Variants in ZNF611 observed in about 807,000 individuals in gnomAD.
The protein encoded by ZNF611 is zinc finger protein 611.
Under a neutral mutation model 8.9 loss-of-function variants are expected in ZNF611, and 6 were observed. That is an observed-to-expected ratio of 0.68 (90% CI 0.37 to 1.34). ZNF611 has a LOEUF of 1.34. Ranked by LOEUF, ZNF611 falls within the 40% of genes most tolerant of loss-of-function variation. The probability of loss-of-function intolerance (pLI) is 0.02; values close to 1 mark genes in which losing one functional copy is unlikely to be tolerated. For synonymous variants in ZNF611, 262 were observed against 279.7 expected (o/e 0.94, Z 0.63); for missense variants, 874 against 841.3 (o/e 1.04, Z -0.48).
chr19:52,708,094 C>T (rs777594546), intron 5 of ZNF611: 2 of 152,152 alleles, frequency 1.3e-5, no homozygotes, highest in Non-Finnish European at 2.9e-5. Flanking sequence ...TTCTAAACAA[C>T]TCCCTCTTAA....
chr19:52,705,463 C>T lies in ZNF611; in HGVS notation c.1592G>A (p.Gly531Asp), dbSNP rs2062234529. ...TTTGTATGGTTTCTCTCCAGTATGACCTATCTTATGTGTCTCAAGGCTTGA... is the reference window on the plus strand; with the variant it reads ...TTTGTATGGTTTCTCTCCAGTATGATCTATCTTATGTGTCTCAAGGCTTGA... ...RKSSLETHKIGHTGEKPYKCK... is the reference protein window; with the variant it reads ...RKSSLETHKIDHTGEKPYKCK... Residue 531 changes from glycine to aspartate, a missense_variant, in exon 6 of 6, where the codon GGT becomes GAT. Physicochemically the swap from Gly to Asp is moderately conservative, Grantham distance 94. Transcript: ENST00000652185. The T allele has an allele frequency of 6.2e-7, 1 of 1,611,420 alleles. No individual in the cohort carries two copies. Among genetic ancestry groups the T allele is most frequent in the South Asian group, 1.1e-5 (1 of 90,868 alleles).
In ZNF611 at chr19:52,704,223, C is replaced by A. The variant is rs1284718661; in HGVS notation, c.*714G>T. 2 of 421,902 alleles carry A rather than the reference C, an allele frequency of 4.7e-6. No homozygotes were observed. 26.1% of individuals were successfully genotyped at this position (421,902 alleles called of 1,614,324 possible). A position where few individuals can be genotyped will look rare whatever the true frequency, so the allele number is the denominator to read the frequency against. ...AACTCAAGTCAATGCTGAATTGACTCCAATGTCAATTAATGCTTGATGGTT... is the reference window on the plus strand; with the variant it reads ...AACTCAAGTCAATGCTGAATTGACTACAATGTCAATTAATGCTTGATGGTT... On this transcript the variant is annotated 3_prime_UTR_variant, in exon 6 of 6. Coordinates refer to ENST00000652185, the MANE Select transcript of ZNF611 (RefSeq NM_001161499.2).
rs4085566 is a variant in ZNF611, at chr19:52,706,300, G to A, written c.755C>T (p.Pro252Leu). ...TTTATATTGTTTGTCTCCTAAATGG[G>A]GTATCTGGTGTTTCCTTAAGAGTGA... ...CSSLLRKHQI[P>L]HLGDKQYKCD... Residue 252 changes from proline (P) to leucine (L), a missense_variant, in exon 6 of 6, where the codon CCC becomes CTC. Transcript: ENST00000652185. The A allele has an allele frequency of 0.41, 656,627 of 1,613,290 alleles. 137,708 individuals are homozygous for A. Among genetic ancestry groups the A allele is most frequent in the African/African-American group, 0.69 (51,386 of 74,764 alleles).
In ZNF611 at chr19:52,704,097, G is replaced by A. The variant is rs544213495; in HGVS notation, c.*840C>T. 6.9e-5 allele frequency: 19 copies of A among 276,822 alleles called. No homozygotes were observed. Among genetic ancestry groups the A allele is most frequent in the South Asian group, 1.8e-4 (5 of 28,206 alleles). 17.1% of individuals were successfully genotyped at this position (276,822 alleles called of 1,614,324 possible). ...GACCTATGTGCCTTGGCCTCCCGAC[G>A]TGCTGGGATTACAGGTCGGAGCCAC... On this transcript the variant is annotated 3_prime_UTR_variant, in exon 6 of 6. Coordinates refer to ENST00000652185, the MANE Select transcript of ZNF611 (RefSeq NM_001161499.2).
chr19:52,732,052 C>T (rs972872086), intron 1 of ZNF611, among the ~76,000 whole-genome samples: 5 of 151,702 alleles, frequency 3.3e-5, no homozygotes, highest in African/African-American at 1.2e-4. Context: ...GGGCGGATCA[C>T]GAGGTCAGGA....
At chr19:52,734,187 G>GTTT (rs532673029) in intron 1 of ZNF611, among the ~76,000 whole-genome samples, 1 of 84,666 alleles carries the variant, frequency 1.2e-5, no homozygotes, top group Non-Finnish European at 2.4e-5. Context: ...GCTTTCTTAG[G>GTTT]TTTTTTTTTT....
chr19:52,721,142 T>G (rs1410524831), intron 3 of ZNF611: 2 of 155,460 alleles, frequency 1.3e-5, no homozygotes, highest in East Asian at 3.8e-4. Flanking sequence ...GCAGAGGCGC[T>G]CCTCACTTCC....
At position 52,704,801 on chromosome 19, in the gene ZNF611, T is replaced by C. The variant is rs922087885; in HGVS notation, c.*136A>G. 7.2e-5 allele frequency: 115 copies of C among 1,593,816 alleles called. No homozygotes were observed. In the African/African-American group the frequency reaches 1.5e-3, roughly 20 times the overall value. ...GGTTTCTCTCCAGTGTGAAGTCCAG[T>C]ATGTTGTTCCAGGTGTGAATCACTC... On this transcript the variant is annotated 3_prime_UTR_variant, in exon 6 of 6. Coordinates refer to ENST00000652185, the MANE Select transcript of ZNF611 (RefSeq NM_001161499.2).
Position 52,728,265 on chromosome 19 carries a change from G to A in ZNF611, c.-20+465C>T, listed in dbSNP as rs113382186. ...TCAGAAATACATCCCTGGGCCGGGC[G>A]TGGTGGGTCACGCCTGTAATCCCAG... On this transcript the variant is annotated intron_variant, in intron 3 of 5. Coordinates refer to ENST00000652185, the MANE Select transcript of ZNF611 (RefSeq NM_001161499.2). Among the ~76,000 whole-genome samples, 1,132 of 152,176 alleles carry A rather than the reference G, an allele frequency of 7.4e-3. 13 individuals are homozygous for A. Among genetic ancestry groups the A allele is most frequent in the African/African-American group, 0.025 (1,047 of 41,532 alleles).
In ZNF611 at chr19:52,731,222, A is replaced by G. The variant is rs564369708; in HGVS notation, c.-221-1217T>C. Among the ~76,000 whole-genome samples, 16 of 152,142 alleles carry G rather than the reference A, an allele frequency of 1.1e-4. No individual in the cohort carries two copies. In the South Asian group the frequency reaches 3.3e-3, roughly 32 times the overall value. The stretch of plus-strand genomic sequence containing the variant: ...GCTGAAATTAGAGGCGTGTGCCACC[A>G]CGCTCAGCTAATTTTTGTATTTTTG... On this transcript the variant is annotated intron_variant, in intron 1 of 5. Transcript: ENST00000652185.
chr19:52,716,506 G>A (rs2147430588), intron 3 of ZNF611, among the ~76,000 whole-genome samples: 1 of 152,318 alleles, frequency 6.6e-6, no homozygotes, highest in Non-Finnish European at 1.5e-5. Flanking sequence ...TTGGGGCCTT[G>A]TTCTCACCAG....
At chr19:52,727,844 AT>A (rs946836837) in intron 3 of ZNF611, among the ~76,000 whole-genome samples, 1 of 150,836 alleles carries the variant, frequency 6.6e-6, no homozygotes, top group Non-Finnish European at 1.5e-5. Flanking sequence ...AATTTGAATC[AT>A]TTGATGTTTG....
chr19:52,710,502 T>A (rs1293269539), intron 5 of ZNF611, among the ~76,000 whole-genome samples: 2 of 152,136 alleles, frequency 1.3e-5, no homozygotes, highest in African/African-American at 2.4e-5. Flanking sequence ...AATATTGGGA[T>A]AATAGGTGTG....
At chr19:52,719,737 C>T (rs2062341994) in intron 3 of ZNF611, among the ~76,000 whole-genome samples, 1 of 152,156 alleles carries the variant, frequency 6.6e-6, no homozygotes, top group African/African-American at 2.4e-5. Flanking sequence ...TTTTATGCCC[C>T]TCTCCTGTTT....
chr19:52,722,558 G>A (rs1283812087), intron 3 of ZNF611, among the ~76,000 whole-genome samples: 6 of 152,108 alleles, frequency 3.9e-5, no homozygotes, highest in Non-Finnish European at 7.4e-5. Flanking sequence ...CCAAGTGGAA[G>A]CTAACCTCTG....
At chr19:52,718,556 T>C (rs1054256724) in intron 3 of ZNF611, among the ~76,000 whole-genome samples, 3 of 151,868 alleles carry the variant, frequency 2.0e-5, no homozygotes, top group African/African-American at 7.3e-5. Context: ...CCCAGCACCT[T>C]GGGAGGCTGA....
chr19:52,730,642 T>C (rs207477259), intron 1 of ZNF611, among the ~76,000 whole-genome samples: 3 of 151,836 alleles, frequency 2.0e-5, no homozygotes, highest in Non-Finnish European at 2.9e-5. Flanking sequence ...TGGAGTGCAA[T>C]GTCACGATCT....
In ZNF611 at chr19:52,706,235, G is replaced by C. The variant is rs2062243460; in HGVS notation, c.820C>G (p.Leu274Val). 6.2e-6 allele frequency: 10 copies of C among 1,613,974 alleles called. No individual in the cohort carries two copies. Among genetic ancestry groups the C allele is most frequent in the Non-Finnish European group, 7.6e-6 (9 of 1,180,016 alleles). ...GTGTGACATCTATCATGGCATGCAA[G>C]GTATTGCTCGTGATTAAAGAGCTTG... ...CGKLFNHEQYLACHDRCHTVE... is the reference protein window; with the variant it reads ...CGKLFNHEQYVACHDRCHTVE... The change falls in exon 6 of 6, where the codon CTT becomes GTT. Residue 274 changes from leucine (L) to valine (V), a missense_variant. By Grantham distance (32) the Leu-to-Val change is conservative. Transcript: ENST00000652185.
intron 3 of ZNF611, among the ~76,000 whole-genome samples, chr19:52,717,187 T>A (rs1333608601): frequency 7.2e-5 from 11 of 152,218 alleles, no homozygotes; most frequent in Admixed American, 3.3e-4. Flanking sequence ...TATGTTGATG[T>A]CTCATGTCTC....
Sources: gnomAD v4.1 joint callset for allele counts (sites outside exome capture counted in the v4.1 genomes callset) on GRCh38, gnomAD v4.1.1 for gene constraint, MANE v1.5 for transcripts, NCBI Gene and HGNC (gene_info 2026-07-23, HGNC 2026-07-21) for gene names.